Variants in KLHL14 observed in about 807,000 individuals in gnomAD.
KLHL14 encodes kelch like family member 14, also known as kelch-like protein 14.
KLHL14 carries 22 observed loss-of-function variants against 64.3 expected under a neutral mutation model. The ratio of observed to expected loss-of-function variants is 0.34; its 90% CI spans 0.24 to 0.49. The LOEUF (loss-of-function observed/expected upper bound fraction) is 0.49, where lower values mean the gene tolerates loss of function less well. Ranked by LOEUF, KLHL14 falls within the 20% of genes least tolerant of loss-of-function variation. The pLI, the probability that KLHL14 is intolerant of heterozygous loss-of-function variation, is 0.99. For missense variants in KLHL14, 661 were observed against 789.0 expected, an observed-to-expected ratio of 0.84 and a Z score of 1.94; for synonymous variants, 322 against 333.4, an observed-to-expected ratio of 0.97 and a Z score of 0.37.
At chr18:32,724,547 C>T (rs2050097037) in intron 3 of KLHL14, among the ~76,000 whole-genome samples, 1 of 152,172 alleles carries the variant, frequency 6.6e-6, no homozygotes, top group African/African-American at 2.4e-5. Flanking sequence ...GTGGCTTGGA[C>T]ACACCCTTAA....
Position 32,683,644 on chromosome 18 carries a change from C to T in KLHL14, c.1239-3045G>A, listed in dbSNP as rs575933209. ...TCTCCCTCCTTCAGCCTCCCCTGCC[C>T]CCACTGCCAGAAGCAATATTCAGTA... On this transcript the variant is annotated intron_variant, in intron 5 of 8. Coordinates refer to ENST00000359358, the MANE Select transcript of KLHL14 (RefSeq NM_020805.3). This position sits in a 1 kb window ranked among gnomAD's most constrained non-coding sequence, Gnocchi z 4.2. 7.9e-5 allele frequency among the ~76,000 whole-genome samples: 12 copies of T among 152,296 alleles called. No homozygotes were observed. Among genetic ancestry groups the T allele is most frequent in the African/African-American group, 2.4e-4 (10 of 41,562 alleles).
intron 3 of KLHL14, among the ~76,000 whole-genome samples, chr18:32,713,702 G>T (rs1057037086): frequency 1.3e-5 from 2 of 152,120 alleles, no homozygotes. Flanking sequence ...TAAATATATG[G>T]TAAGCTATTT....
chr18:32,718,858 T>C lies in KLHL14; in HGVS notation c.1069+23070A>G, dbSNP rs181528807. Among the ~76,000 whole-genome samples the C allele has an allele frequency of 7.7e-4, 118 of 152,348 alleles. 1 individual carries two copies. In the Middle Eastern group the frequency reaches 0.02, roughly 26 times the overall value. On this transcript the variant is annotated intron_variant, in intron 3 of 8. Transcript: ENST00000359358. ...ATATACTCACAATATTGACACAGTCTAGCTTCCATAAACATTTTGTAAAAA... is the reference window on the plus strand; with the variant it reads ...ATATACTCACAATATTGACACAGTCCAGCTTCCATAAACATTTTGTAAAAA...
At chr18:32,708,193 A>T (rs2049999965) in intron 3 of KLHL14, among the ~76,000 whole-genome samples, 1 of 152,148 alleles carries the variant, frequency 6.6e-6, no homozygotes, top group African/African-American at 2.4e-5. Flanking sequence ...AACACTTTTT[A>T]AGAAAGCATG....
intron 3 of KLHL14, among the ~76,000 whole-genome samples, chr18:32,731,609 G>A (rs2050137357): frequency 1.3e-5 from 2 of 152,002 alleles, no homozygotes; most frequent in South Asian, 2.1e-4. Context: ...ACCTTCACAT[G>A]TACCCCCAAA....
At chr18:32,726,320 C>A (rs1442169073) in intron 3 of KLHL14, among the ~76,000 whole-genome samples, 2 of 152,094 alleles carry the variant, frequency 1.3e-5, no homozygotes, top group African/African-American at 2.4e-5. Flanking sequence ...GGATAGACAA[C>A]TACTATTAAC....
At chr18:32,748,222 A>AT (rs1568081765) in intron 2 of KLHL14, among the ~76,000 whole-genome samples, 5 of 151,830 alleles carry the variant, frequency 3.3e-5, no homozygotes. Flanking sequence ...TATTTATTTT[A>AT]TTTTTTTGAG....
At chr18:32,736,391 A>G in intron 3 of KLHL14, among the ~76,000 whole-genome samples, 1 of 152,150 alleles carries the variant, frequency 6.6e-6, no homozygotes, top group East Asian at 1.9e-4. Context: ...AAAAAGTCCA[A>G]ACACAATTGT....
chr18:32,729,193 G>A (rs78479468), intron 3 of KLHL14, among the ~76,000 whole-genome samples: 2,777 of 152,224 alleles, frequency 0.018, 71 homozygotes, highest in African/African-American at 0.063. Flanking sequence ...TCCTTATTTC[G>A]TGGGGGTCAC....
intron 3 of KLHL14, among the ~76,000 whole-genome samples, chr18:32,712,133 A>G (rs1431408226): frequency 6.6e-6 from 1 of 152,182 alleles, no homozygotes; most frequent in Non-Finnish European, 1.5e-5. Flanking sequence ...CTGTGCCACA[A>G]CCACAGAGTT....
chr18:32,682,946 C>T (rs748887474), intron 5 of KLHL14, among the ~76,000 whole-genome samples: 1 of 152,106 alleles, frequency 6.6e-6, no homozygotes, highest in Non-Finnish European at 1.5e-5. Context: ...AGAATTGGGA[C>T]TATGTGGGTT....
In KLHL14 at chr18:32,755,931, C is replaced by T. The variant is rs925477371; in HGVS notation, c.947+13714G>A. Among the ~76,000 whole-genome samples, 6 of 152,110 alleles carry T rather than the reference C, an allele frequency of 3.9e-5. No homozygotes were observed. In the South Asian group the frequency reaches 1.2e-3, roughly 31 times the overall value. On this transcript the variant is annotated intron_variant, in intron 2 of 8. Transcript: ENST00000359358. ...ATTTATACACTGCTGACTTGGATAA[C>T]TGTTCAGCTGCCTAGATAACTTTGC...
chr18:32,754,345 GAAGAGAT>G (rs1166700894), intron 2 of KLHL14, among the ~76,000 whole-genome samples: 5 of 152,196 alleles, frequency 3.3e-5, no homozygotes, highest in Non-Finnish European at 7.3e-5. Context: ...CTGGCTTTTG[GAAGAGAT>G]AAGAGTGACT....
intron 8 of KLHL14, among the ~76,000 whole-genome samples, chr18:32,676,116 TAAGA>T (rs1267594965): frequency 6.6e-6 from 1 of 151,990 alleles, no homozygotes; most frequent in East Asian, 1.9e-4. Context: ...GTGTTTTTGC[TAAGA>T]AAGAAAAAAG....
intron 3 of KLHL14, among the ~76,000 whole-genome samples, chr18:32,699,148 T>G (rs2144489216): frequency 6.6e-6 from 1 of 152,288 alleles, no homozygotes; most frequent in South Asian, 2.1e-4. Flanking sequence ...TAAAATGCCC[T>G]GAGATCTTAT....
At chr18:32,754,355 G>C (rs1472324039) in intron 2 of KLHL14, among the ~76,000 whole-genome samples, 1 of 152,190 alleles carries the variant, frequency 6.6e-6, no homozygotes, top group Non-Finnish European at 1.5e-5. Flanking sequence ...GAAGAGATAA[G>C]AGTGACTTTT....
chr18:32,696,341 T>C (rs537222218), intron 3 of KLHL14, among the ~76,000 whole-genome samples: 1 of 152,308 alleles, frequency 6.6e-6, no homozygotes, highest in East Asian at 1.9e-4. Context: ...GATTTACATT[T>C]CCTTTGGGGA....
chr18:32,725,149 G>C (rs1203901845), intron 3 of KLHL14, among the ~76,000 whole-genome samples: 2 of 151,854 alleles, frequency 1.3e-5, no homozygotes, highest in Admixed American at 1.3e-4. Context: ...AGCCTCCCAA[G>C]TAGGTGGGAT....
rs944794676 is a variant in KLHL14, at chr18:32,683,844, C to T, written c.1239-3245G>A. Among the ~76,000 whole-genome samples, 10 of 152,126 alleles carry T rather than the reference C, an allele frequency of 6.6e-5. No homozygotes were observed. The highest frequency in any genetic ancestry group is 4.2e-4 in the South Asian group (2 of 4,810). ...CCCTGCTTGAATTTTTGACTTTTGTCGTTGGATTAAAAACAATGGATATGT... is the reference window on the plus strand; with the variant it reads ...CCCTGCTTGAATTTTTGACTTTTGTTGTTGGATTAAAAACAATGGATATGT... On this transcript the variant is annotated intron_variant, in intron 5 of 8. Transcript: ENST00000359358. This position sits in a 1 kb window ranked among gnomAD's most constrained non-coding sequence, Gnocchi z 4.2.
Sources: gnomAD v4.1 joint callset for allele counts (sites outside exome capture counted in the v4.1 genomes callset) on GRCh38, gnomAD v4.1.1 for gene constraint, Gnocchi (gnomAD v3.1) non-coding constraint, MANE v1.5 for transcripts, NCBI Gene and HGNC (gene_info 2026-07-23, HGNC 2026-07-21) for gene names.